UBAC2: variants seen among roughly 807,000 people sequenced by gnomAD.
The protein encoded by UBAC2 is ubiquitin-associated domain-containing protein 2.
UBAC2 carries 26 observed loss-of-function variants against 44.0 expected under a neutral mutation model. The ratio of observed to expected loss-of-function variants is 0.59; its 90% confidence interval spans 0.43 to 0.82. The LOEUF (loss-of-function observed/expected upper bound fraction) is 0.82. Among genes scored for constraint, UBAC2 ranks in the 40% least tolerant of loss-of-function variants. UBAC2 has a pLI of 0.00. For missense variants in UBAC2, 329 were observed against 419.4 expected (o/e 0.78, Z 1.88); for synonymous variants, 155 against 154.3 (o/e 1.00, Z -0.04).
intron 4 of UBAC2, among the ~76,000 whole-genome samples, chr13:99,264,461 A>G (rs961668603): frequency 1.3e-5 from 2 of 152,232 alleles, no homozygotes; most frequent in Admixed American, 6.5e-5. Context: ...TGCATGCTGT[A>G]GACACTAAGC....
At chr13:99,270,433 T>G (rs2043800662) in intron 4 of UBAC2, among the ~76,000 whole-genome samples, 1 of 152,228 alleles carries the variant, frequency 6.6e-6, no homozygotes, top group Admixed American at 6.5e-5. Flanking sequence ...TATGGTCACA[T>G]TTATAGTCAT....
In UBAC2 at chr13:99,373,099, T is replaced by A. The variant is rs147413655; in HGVS notation, c.927+5193T>A. Among the ~76,000 whole-genome samples the A allele has an allele frequency of 4.6e-5, 7 of 151,926 alleles. No homozygotes were observed. The East Asian group carries it at 1.4e-3, about 29-fold the overall frequency. ...TCACGCCACTGCACTCCAGCCTGGG[T>A]GACAGAGCAAGACTCTGTCTCAAAA... is the stretch of plus-strand genomic sequence containing the variant. On this transcript the variant is annotated intron_variant, in intron 8 of 8. Coordinates refer to ENST00000403766, the MANE Select transcript of UBAC2 (RefSeq NM_001144072.2).
At chr13:99,320,719 T>C (rs1292814013) in intron 6 of UBAC2, among the ~76,000 whole-genome samples, 2 of 152,238 alleles carry the variant, frequency 1.3e-5, no homozygotes, top group African/African-American at 4.8e-5. Flanking sequence ...ATTTTTATTA[T>C]GAAATATTTA....
At chr13:99,381,750 C>T (rs1186029904) in intron 8 of UBAC2, among the ~76,000 whole-genome samples, 4 of 152,190 alleles carry the variant, frequency 2.6e-5, no homozygotes, top group Non-Finnish European at 4.4e-5. Flanking sequence ...TCTCCCTGCA[C>T]AACCTGATGG....
intron 1 of UBAC2, among the ~76,000 whole-genome samples, chr13:99,219,632 A>G (rs542543287): frequency 6.6e-6 from 1 of 152,166 alleles, no homozygotes. Context: ...AGTGTACTTT[A>G]TGTGTGGCCC....
At chr13:99,325,663 CT>C (rs2138794125) in intron 6 of UBAC2, among the ~76,000 whole-genome samples, 1 of 152,248 alleles carries the variant, frequency 6.6e-6, no homozygotes, top group African/African-American at 2.4e-5. Context: ...TTAACTGAAA[CT>C]TTATGCCTGT....
intron 6 of UBAC2, among the ~76,000 whole-genome samples, chr13:99,332,229 C>T (rs1437700038): frequency 6.6e-6 from 1 of 152,060 alleles, no homozygotes; most frequent in Non-Finnish European, 1.5e-5. Context: ...TAGTTTCTAA[C>T]CTTTGCCTGT....
chr13:99,260,194 G>A (rs753160778), intron 4 of UBAC2, among the ~76,000 whole-genome samples: 2 of 152,154 alleles, frequency 1.3e-5, no homozygotes, highest in Admixed American at 6.5e-5. Flanking sequence ...TCTGCCCTCC[G>A]AAGCTGGGCT....
At chr13:99,375,801 CTTTTTTTT>C in intron 8 of UBAC2, among the ~76,000 whole-genome samples, 1 of 110,906 alleles carries the variant, frequency 9.0e-6, no homozygotes, top group East Asian at 2.4e-4. Flanking sequence ...TCCTTTTTCC[CTTTTTTTT>C]TTTTTTTTTT....
chr13:99,201,073 C>T lies in UBAC2; in HGVS notation c.31+134C>T. 7 of 1,333,028 alleles carry T rather than the reference C, an allele frequency of 5.3e-6. No individual in the cohort carries two copies. The East Asian group carries it at 8.4e-5, about 16-fold the overall frequency. The allele number at this position is 1,333,028 out of a possible 1,614,324, so 82.6% of individuals were successfully genotyped here. ...CCGACCCTCCAGACCCGCGTCCGAA[C>T]CCTGCTAGTTCCCGGTCTTGGGGGT... On this transcript the variant is annotated intron_variant, in intron 1 of 8. Transcript: ENST00000403766.
chr13:99,365,405 C>T (rs1193626230), intron 7 of UBAC2, among the ~76,000 whole-genome samples: 1 of 151,894 alleles, frequency 6.6e-6, no homozygotes, highest in East Asian at 1.9e-4. Context: ...CTTTAATTTT[C>T]AGTTTTCTTT....
rs183124088 is a variant in UBAC2, at chr13:99,280,377, A to G, written c.390-33720A>G. ...TTCTCTGGATTCATTTATTACGACA[A>G]TTGTGGTTACAACATCCCTTCTCCC... On this transcript the variant is annotated intron_variant, in intron 4 of 8. Transcript: ENST00000403766. Among the ~76,000 whole-genome samples, 578 of 152,312 alleles carry G rather than the reference A, an allele frequency of 3.8e-3. 7 individuals are homozygous for G. Among genetic ancestry groups the G allele is most frequent in the South Asian group, 0.011 (52 of 4,830 alleles).
intron 4 of UBAC2, among the ~76,000 whole-genome samples, chr13:99,253,486 A>G (rs563779732): frequency 5.9e-4 from 89 of 152,108 alleles, no homozygotes; most frequent in Non-Finnish European, 1.1e-3. Flanking sequence ...TTTAAGGAAT[A>G]TGAATTTACC....
chr13:99,374,888 G>A lies in UBAC2; in HGVS notation c.927+6982G>A, dbSNP rs532304277. ...ACACACAGGTGCCCCAGCATCGGTC[G>A]GAGAAGGGTTGAACACGAAGGTGTG... is the stretch of plus-strand genomic sequence containing the variant. On this transcript the variant is annotated intron_variant, in intron 8 of 8. Coordinates refer to ENST00000403766, the MANE Select transcript of UBAC2 (RefSeq NM_001144072.2). Among the ~76,000 whole-genome samples the A allele has an allele frequency of 1.5e-4, 23 of 152,302 alleles. No homozygotes were observed. In the South Asian group the frequency reaches 3.3e-3, roughly 22 times the overall value.
chr13:99,354,359 T>G (rs1056022704), intron 7 of UBAC2, among the ~76,000 whole-genome samples: 3 of 152,218 alleles, frequency 2.0e-5, no homozygotes, highest in African/African-American at 7.2e-5. Context: ...CTTCCAGATG[T>G]TCTTTAATAT....
intron 8 of UBAC2, among the ~76,000 whole-genome samples, chr13:99,378,791 G>A (rs1351232473): frequency 6.6e-6 from 1 of 152,168 alleles, no homozygotes; most frequent in Non-Finnish European, 1.5e-5. Flanking sequence ...CACGCTAAAC[G>A]CCTGTTGAAA....
chr13:99,266,104 C>T (rs1400795265), intron 4 of UBAC2, among the ~76,000 whole-genome samples: 1 of 152,046 alleles, frequency 6.6e-6, no homozygotes, highest in African/African-American at 2.4e-5. Flanking sequence ...ACCTTTACCC[C>T]TTCTAAAGTC....
At chr13:99,328,137 A>G (rs2044665680) in intron 6 of UBAC2, among the ~76,000 whole-genome samples, 1 of 152,252 alleles carries the variant, frequency 6.6e-6, no homozygotes, top group African/African-American at 2.4e-5. Context: ...TCACTTGAAC[A>G]TGAAAATTTC....
intron 7 of UBAC2, among the ~76,000 whole-genome samples, chr13:99,347,539 A>G (rs2045010208): frequency 6.6e-6 from 1 of 152,000 alleles, no homozygotes; most frequent in Non-Finnish European, 1.5e-5. Context: ...TCCCCGTTCA[A>G]GTTACTTTCA....
Sources: gnomAD v4.1 joint callset for allele counts (sites outside exome capture counted in the v4.1 genomes callset) on GRCh38, gnomAD v4.1.1 for gene constraint, MANE v1.5 for transcripts, NCBI Gene and HGNC (gene_info 2026-07-23, HGNC 2026-07-21) for gene names.